Variants in KAZN observed in about 807,000 individuals in gnomAD.
KAZN encodes the protein kazrin, periplakin interacting protein, also known as kazrin.
KAZN carries 40 observed loss-of-function variants against 87.4 expected under a neutral mutation model. That is an observed-to-expected ratio of 0.46 (90% CI 0.36 to 0.60). KAZN has a LOEUF of 0.60. Among genes scored for constraint, KAZN ranks in the 20% least tolerant of loss-of-function variants. The pLI, the probability that KAZN is intolerant of heterozygous loss-of-function variation, is 0.00. For missense variants in KAZN, 898 were observed against 1,073.9 expected, an observed-to-expected ratio of 0.84 and a Z score of 2.29; for synonymous variants, 466 against 458.3, an observed-to-expected ratio of 1.02 and a Z score of -0.22.
At chr1:14,387,911 G>A (rs1383368200) in intron 2 of KAZN, among the ~76,000 whole-genome samples, 2 of 152,222 alleles carry the variant, frequency 1.3e-5, no homozygotes, top group African/African-American at 4.8e-5. Flanking sequence ...CCCTCTCCCA[G>A]CCTCACTGCC....
At chr1:14,833,560 A>G (rs1220239195) in intron 1 of KAZN, among the ~76,000 whole-genome samples, 2 of 152,184 alleles carry the variant, frequency 1.3e-5, no homozygotes, top group Non-Finnish European at 2.9e-5. Context: ...AAAGTAGGGT[A>G]TCCGTCCTCT....
At chr1:14,135,054 G>T (rs1166988569) in intron 1 of KAZN, among the ~76,000 whole-genome samples, 1 of 150,368 alleles carries the variant, frequency 6.7e-6, no homozygotes, top group Non-Finnish European at 1.5e-5. Flanking sequence ...TTATTACATT[G>T]GTGGAAAAGT....
At chr1:14,899,574 G>A (rs1326957769) in intron 1 of KAZN, among the ~76,000 whole-genome samples, 3 of 152,280 alleles carry the variant, frequency 2.0e-5, no homozygotes, top group South Asian at 2.1e-4. Context: ...CTTCCTATCC[G>A]TATGGTAGAC....
intron 1 of KAZN, among the ~76,000 whole-genome samples, chr1:14,133,108 C>T (rs1486255647): frequency 6.6e-6 from 1 of 152,102 alleles, no homozygotes; most frequent in African/African-American, 2.4e-5. Flanking sequence ...GTGGCTCACG[C>T]CTGTAATCCC....
chr1:14,188,092 G>T (rs1045354051), intron 2 of KAZN, among the ~76,000 whole-genome samples: 3 of 151,896 alleles, frequency 2.0e-5, no homozygotes, highest in Non-Finnish European at 4.4e-5. Context: ...TTGTCTTAAA[G>T]AAACACTGTA....
At chr1:14,333,962 G>A (rs910083914) in intron 2 of KAZN, among the ~76,000 whole-genome samples, 2 of 152,122 alleles carry the variant, frequency 1.3e-5, no homozygotes, top group Non-Finnish European at 2.9e-5. Flanking sequence ...TAGGAGGCGT[G>A]GTCATCATAA....
intron 1 of KAZN, among the ~76,000 whole-genome samples, chr1:14,098,375 GT>G (rs1346102039): frequency 3.3e-5 from 5 of 152,158 alleles, no homozygotes; most frequent in African/African-American, 9.7e-5. Flanking sequence ...GATTAAATGG[GT>G]TTTATTTTGC....
chr1:13,992,718 C>T (rs966258216), intron 1 of KAZN, among the ~76,000 whole-genome samples: 6 of 152,042 alleles, frequency 3.9e-5, no homozygotes, highest in African/African-American at 1.4e-4. Context: ...GGGGGATTGA[C>T]GAGCATCTTC....
chr1:15,038,443 C>G lies in KAZN; in HGVS notation c.555+3558C>G, dbSNP rs147509935. On this transcript the variant is annotated intron_variant, in intron 3 of 14. Transcript: ENST00000376030. ...ATAGCAAATGTTTATTGTGCACCTA[C>G]TGTATACAGGCATGAACATGGTATT... Among the ~76,000 whole-genome samples the G allele has an allele frequency of 3.5e-3, 527 of 152,318 alleles. 5 individuals carry two copies. Among genetic ancestry groups the G allele is most frequent in the Non-Finnish European group, 4.6e-3 (313 of 68,028 alleles).
At chr1:15,050,090 G>A (rs1295286877) in intron 4 of KAZN, among the ~76,000 whole-genome samples, 3 of 86,736 alleles carry the variant, frequency 3.5e-5, no homozygotes, top group Non-Finnish European at 4.2e-5. Flanking sequence ...GTACAGTAGA[G>A]TACAGTAGAG....
At chr1:14,802,912 C>T (rs1190261415) in intron 1 of KAZN, among the ~76,000 whole-genome samples, 3 of 152,126 alleles carry the variant, frequency 2.0e-5, no homozygotes, top group Non-Finnish European at 4.4e-5. Flanking sequence ...TGAATGCTGG[C>T]CCTGTCCCCA....
At chr1:14,591,531 G>A (rs1676203559) in intron 2 of KAZN, among the ~76,000 whole-genome samples, 1 of 152,044 alleles carries the variant, frequency 6.6e-6, no homozygotes. Flanking sequence ...ATGCTTATGT[G>A]TTTAAGTCTG....
intron 2 of KAZN, among the ~76,000 whole-genome samples, chr1:14,312,772 C>CA (rs1457712461): frequency 1.3e-5 from 2 of 152,074 alleles, no homozygotes; most frequent in Non-Finnish European, 2.9e-5. Flanking sequence ...TCTTGGCTTG[C>CA]ATGCTGCCAC....
intron 1 of KAZN, among the ~76,000 whole-genome samples, chr1:14,877,569 G>C (rs1652908251): frequency 6.6e-6 from 1 of 152,152 alleles, no homozygotes; most frequent in Non-Finnish European, 1.5e-5. Flanking sequence ...ACAAGTCCTT[G>C]GTCACGGCAA....
intron 2 of KAZN, among the ~76,000 whole-genome samples, chr1:14,264,414 G>T (rs763705978): frequency 6.6e-6 from 1 of 152,188 alleles, no homozygotes. Flanking sequence ...ATGCAACAGC[G>T]TTGGAAGGTG....
chr1:14,951,287 T>G (rs1662452664), intron 1 of KAZN, among the ~76,000 whole-genome samples: 1 of 152,062 alleles, frequency 6.6e-6, no homozygotes, highest in South Asian at 2.1e-4. Flanking sequence ...GCCGGCCTCC[T>G]CATCTCTGAT....
At chr1:14,610,159 G>A (rs902279511) in intron 1 of KAZN, among the ~76,000 whole-genome samples, 4 of 152,168 alleles carry the variant, frequency 2.6e-5, no homozygotes, top group East Asian at 3.9e-4. Context: ...TTTCAGTGGG[G>A]TTTTACAATC....
At chr1:14,313,755 A>G (rs367814036) in intron 2 of KAZN, among the ~76,000 whole-genome samples, 2 of 152,156 alleles carry the variant, frequency 1.3e-5, no homozygotes, top group East Asian at 3.9e-4. Context: ...ATGTTGACAA[A>G]TCTAAGTAAT....
At chr1:15,004,127 A>AT (rs1214654927) in intron 2 of KAZN, among the ~76,000 whole-genome samples, 2 of 152,204 alleles carry the variant, frequency 1.3e-5, no homozygotes, top group Non-Finnish European at 2.9e-5. Context: ...GGTGAGGAGG[A>AT]TAACATCAGA....
Sources: allele counts gnomAD v4.1 joint callset (sites outside exome capture counted in the v4.1 genomes callset), GRCh38; gene constraint gnomAD v4.1.1; transcripts MANE v1.5; gene names NCBI Gene and HGNC (gene_info 2026-07-23, HGNC 2026-07-21).